Variants in MECOM observed in about 807,000 individuals in gnomAD.
The protein encoded by MECOM is histone-lysine N-methyltransferase MECOM.
Under a neutral mutation model 116.3 loss-of-function variants are expected in MECOM, and 13 were observed. The observed-to-expected ratio is 0.11, with a 90% CI of 0.07 to 0.18. The LOEUF (loss-of-function observed/expected upper bound fraction) is 0.18, where lower values mean the gene tolerates loss of function less well. Among genes scored for constraint, MECOM ranks in the 10% least tolerant of loss-of-function variants. The pLI, the probability that MECOM is intolerant of heterozygous loss-of-function variation, is 1.00. For missense variants in MECOM, 1,299 were observed against 1,509.0 expected (o/e 0.86, Z 2.31); for synonymous variants, 528 against 535.2 (o/e 0.99, Z 0.19).
intron 1 of MECOM, among the ~76,000 whole-genome samples, chr3:169,435,957 A>G (rs542651997): frequency 2.6e-5 from 4 of 152,168 alleles, no homozygotes; most frequent in South Asian, 2.1e-4. Flanking sequence ...TCATTCTTCA[A>G]TGTATCTGGC....
rs1260440567 is a variant in MECOM at position 169,454,542 on chromosome 3, C to T, written c.38-73018G>A. Among the ~76,000 whole-genome samples the T allele has an allele frequency of 2.0e-5, 3 of 151,738 alleles. No individual in the cohort carries two copies. The South Asian group carries it at 6.2e-4, about 31-fold the overall frequency. ...GTCTTTTATTTTGTTTTTATTATTC[C>T]TAATGGAGAAAGTTTTAAGACAGAT... On this transcript the variant is annotated intron_variant, in intron 1 of 16. Coordinates refer to ENST00000651503, the MANE Select transcript of MECOM (RefSeq NM_004991.4).
In MECOM at chr3:169,289,655, G is replaced by A. The variant is rs533881430; in HGVS notation, c.375+91532C>T. On this transcript the variant is annotated intron_variant, in intron 2 of 16. Coordinates refer to ENST00000651503, the MANE Select transcript of MECOM (RefSeq NM_004991.4). Reference sequence around the variant, plus strand: ...TACTCGGCATTTGTATTAGGCCAATGGAGAGTTTGACTAAAATCAAATGAT... The same window carrying A: ...TACTCGGCATTTGTATTAGGCCAATAGAGAGTTTGACTAAAATCAAATGAT... Among the ~76,000 whole-genome samples, 226 of 152,250 alleles carry A rather than the reference G, an allele frequency of 1.5e-3. 1 individual carries two copies. The highest frequency in any genetic ancestry group is 5.2e-3 in the African/African-American group (214 of 41,542).
intron 2 of MECOM, among the ~76,000 whole-genome samples, chr3:169,161,682 T>G (rs191396657): frequency 6.6e-6 from 1 of 152,282 alleles, no homozygotes; most frequent in Non-Finnish European, 1.5e-5. Context: ...ATTCTCCTCA[T>G]GTTGAATATA....
chr3:169,100,303 T>C (rs1185182427), intron 12 of MECOM, among the ~76,000 whole-genome samples: 1 of 151,934 alleles, frequency 6.6e-6, no homozygotes, highest in Non-Finnish European at 1.5e-5. Flanking sequence ...TTCACCATGT[T>C]AGCCAGGCTG....
intron 2 of MECOM, among the ~76,000 whole-genome samples, chr3:169,167,589 C>T (rs962392571): frequency 8.5e-5 from 13 of 152,174 alleles, no homozygotes; most frequent in African/African-American, 2.9e-4. Context: ...TGCAAATCCT[C>T]TATAATTGCT....
At chr3:169,198,800 A>C (rs1413052385) in intron 2 of MECOM, among the ~76,000 whole-genome samples, 1 of 152,034 alleles carries the variant, frequency 6.6e-6, no homozygotes, top group Non-Finnish European at 1.5e-5. Flanking sequence ...TAAACAGTGA[A>C]TCCCAATACA....
At position 169,115,498 on chromosome 3, in the gene MECOM, G is replaced by T; in HGVS notation, c.2374C>A (p.Arg792=). The change falls in exon 8 of 17, where the codon CGA becomes AGA. Residue 792 remains arginine, a synonymous_variant. Coordinates refer to ENST00000651503, the MANE Select transcript of MECOM (RefSeq NM_004991.4). ...RASGTKLTEP[R]KNHVFGGKKG... ...TTTCCCCCAAACACGTGGTTTTTTCGAGGCTCAGTCAGCTTTGTCCCACTG... is the reference window on the plus strand; with the variant it reads ...TTTCCCCCAAACACGTGGTTTTTTCTAGGCTCAGTCAGCTTTGTCCCACTG... 1.2e-6 allele frequency: 2 copies of T among 1,613,974 alleles called. No individual in the cohort carries two copies. The highest frequency in any genetic ancestry group is 1.7e-6 in the Non-Finnish European group (2 of 1,179,996).
chr3:169,154,585 C>A (rs1431256576), intron 2 of MECOM, among the ~76,000 whole-genome samples: 2 of 152,148 alleles, frequency 1.3e-5, no homozygotes, highest in Non-Finnish European at 2.9e-5. Flanking sequence ...GATGTTAATC[C>A]TCTCAACCAT....
In MECOM at chr3:169,118,637, C is replaced by T. The variant is rs375906178; in HGVS notation, c.1133-1898G>A. ...TTGAAAAAATGTCTTGATGAGTATT[C>T]AACCAAGACATAAGTTTTTCAAAGA... On this transcript the variant is annotated intron_variant, in intron 7 of 16. Transcript: ENST00000651503. Among the ~76,000 whole-genome samples, 45 of 152,166 alleles carry T rather than the reference C, an allele frequency of 3.0e-4. No individual in the cohort carries two copies. In the South Asian group the frequency reaches 9.1e-3, roughly 31 times the overall value.
At chr3:169,347,074 T>C (rs1211817489) in intron 2 of MECOM, among the ~76,000 whole-genome samples, 1 of 152,032 alleles carries the variant, frequency 6.6e-6, no homozygotes, top group Non-Finnish European at 1.5e-5. Flanking sequence ...TATGGAATGA[T>C]CAGCAAGACA....
chr3:169,106,830 T>C (rs948499839), intron 10 of MECOM, among the ~76,000 whole-genome samples: 16 of 152,108 alleles, frequency 1.1e-4, no homozygotes, highest in African/African-American at 3.9e-4. Flanking sequence ...ATACTGGAAA[T>C]GTAGGCCAGG....
Position 169,554,455 on chromosome 3 carries a change from G to A in MECOM, c.37+108881C>T, listed in dbSNP as rs548082167. On this transcript the variant is annotated intron_variant, in intron 1 of 16. Coordinates refer to ENST00000651503, the MANE Select transcript of MECOM (RefSeq NM_004991.4). ...ATTTTTAAAAAAGATTTCCTCACAGGACTATGATTTCATTTTTTAAAGTCC... is the reference window on the plus strand; with the variant it reads ...ATTTTTAAAAAAGATTTCCTCACAGAACTATGATTTCATTTTTTAAAGTCC... Among the ~76,000 whole-genome samples the A allele has an allele frequency of 4.6e-5, 7 of 152,214 alleles. No homozygotes were observed. In the South Asian group the frequency reaches 1.5e-3, roughly 32 times the overall value.
chr3:169,417,145 G>C (rs1303319147), intron 1 of MECOM, among the ~76,000 whole-genome samples: 7 of 151,266 alleles, frequency 4.6e-5, no homozygotes, highest in Non-Finnish European at 1.0e-4. Flanking sequence ...CACAGCAAAA[G>C]AAACTACCAT....
At chr3:169,414,771 A>T (rs1738242728) in intron 1 of MECOM, among the ~76,000 whole-genome samples, 2 of 152,218 alleles carry the variant, frequency 1.3e-5, no homozygotes, top group Non-Finnish European at 2.9e-5. Flanking sequence ...ATCAAGTGGA[A>T]GAAAGGGTAT....
intron 1 of MECOM, among the ~76,000 whole-genome samples, chr3:169,601,576 C>T (rs1767837602): frequency 6.6e-6 from 1 of 152,192 alleles, no homozygotes; most frequent in South Asian, 2.1e-4. Context: ...TACTGCTAAA[C>T]TCTCTCACCA....
At chr3:169,663,192 G>T in intron 1 of MECOM, 144 bp downstream of exon 1, 1 of 916,504 alleles carries the variant, frequency 1.1e-6, no homozygotes, top group Non-Finnish European at 1.7e-6. Flanking sequence ...GAACCGGCAG[G>T]TTGCTGGGGC....
At chr3:169,441,461 A>G (rs1743658913) in intron 1 of MECOM, among the ~76,000 whole-genome samples, 1 of 152,094 alleles carries the variant, frequency 6.6e-6, no homozygotes, top group Admixed American at 6.6e-5. Flanking sequence ...TGTCCTTTTC[A>G]CCAAACCCAA....
At chr3:169,594,052 C>T (rs759278503) in intron 1 of MECOM, among the ~76,000 whole-genome samples, 100 of 148,148 alleles carry the variant, frequency 6.8e-4, no homozygotes, top group African/African-American at 2.4e-3. Context: ...ACCCAGGAGG[C>T]AGAGGTTGCA....
At chr3:169,284,536 G>A (rs1015516614) in intron 2 of MECOM, among the ~76,000 whole-genome samples, 1 of 151,702 alleles carries the variant, frequency 6.6e-6, no homozygotes, top group Non-Finnish European at 1.5e-5. Context: ...GAATCTCCAA[G>A]CAATGCTGAC....
Sources: allele counts gnomAD v4.1 joint callset (sites outside exome capture counted in the v4.1 genomes callset), GRCh38; gene constraint gnomAD v4.1.1; transcripts MANE v1.5; gene names NCBI Gene and HGNC (gene_info 2026-07-23, HGNC 2026-07-21).